The following OR1J2 variants were observed in gnomAD, a reference collection of about 807,000 sequenced individuals.
OR1J2 encodes olfactory receptor 1J2.
For synonymous variants in OR1J2, 142 were observed against 99.7 expected (o/e 1.42, Z -2.52); for missense variants, 304 against 246.1 (o/e 1.24, Z -1.57).
the OR1J2 span, among the ~76,000 whole-genome samples, chr9:122,451,860 A>G: frequency 7.2e-5 from 11 of 152,120 alleles, no homozygotes; most frequent in Non-Finnish European, 1.5e-5. Flanking sequence ...GGGCATAATT[A>G]CACTTCACCC....
the OR1J2 span, among the ~76,000 whole-genome samples, chr9:122,476,101 C>T: frequency 4.4e-3 from 666 of 152,018 alleles, 5 homozygotes; most frequent in African/African-American, 0.016. Flanking sequence ...TAGATCAGTC[C>T]CTGAGAGAAC....
chr9:122,497,965 A>G, the OR1J2 span, among the ~76,000 whole-genome samples: 1 of 151,662 alleles, frequency 6.6e-6, no homozygotes, highest in East Asian at 1.9e-4. Context: ...AAGTAATTTA[A>G]CTCTCATGTA....
the OR1J2 span, chr9:122,527,124 A>G: frequency 1.2e-6 from 2 of 1,614,084 alleles, no homozygotes; most frequent in East Asian, 2.2e-5. Context: ...GAAAAAGTAC[A>G]TGGGGGTGTG....
the OR1J2 span, among the ~76,000 whole-genome samples, chr9:122,574,446 G>A: frequency 6.6e-6 from 1 of 151,874 alleles, no homozygotes. Context: ...TATTTTGGGG[G>A]GTGCTAATGT....
the OR1J2 span, among the ~76,000 whole-genome samples, chr9:122,555,844 A>T: frequency 6.6e-6 from 1 of 152,206 alleles, no homozygotes; most frequent in African/African-American, 2.4e-5. Context: ...AGAGTGGTAC[A>T]TTTATTACAA....
chr9:122,575,055 G>C, the OR1J2 span, among the ~76,000 whole-genome samples: 4 of 151,976 alleles, frequency 2.6e-5, no homozygotes, highest in Non-Finnish European at 5.9e-5. Context: ...ATTAAACTTG[G>C]TTGTGATGTA....
the OR1J2 span, among the ~76,000 whole-genome samples, chr9:122,458,065 C>T: frequency 6.6e-6 from 1 of 151,974 alleles, no homozygotes. Flanking sequence ...GGGACATTTT[C>T]CCCTTTGTCT....
At chr9:122,512,120 A>G (rs962060944), downstream of OR1J2, among the ~76,000 whole-genome samples, 1 of 148,938 alleles carries the variant, frequency 6.7e-6, no homozygotes, top group Non-Finnish European at 1.5e-5. Flanking sequence ...TTATTTTACT[A>G]TTCTCTCTAA....
chr9:122,461,101 TA>T, the OR1J2 span, among the ~76,000 whole-genome samples: 1 of 152,170 alleles, frequency 6.6e-6, no homozygotes, highest in Admixed American at 6.5e-5. Context: ...GGATGCCCTT[TA>T]TTTCTTTCTC....
chr9:122,579,153 C>G, the OR1J2 span, among the ~76,000 whole-genome samples: 1 of 151,718 alleles, frequency 6.6e-6, no homozygotes, highest in Non-Finnish European at 1.5e-5. Context: ...ATGAATGGGG[C>G]TTGGTTAAAT....
At chr9:122,552,910 A>G in the OR1J2 span, among the ~76,000 whole-genome samples, 1 of 149,228 alleles carries the variant, frequency 6.7e-6, no homozygotes, top group Non-Finnish European at 1.5e-5. Context: ...CTTCCTCTAA[A>G]TAGCCCATGC....
chr9:122,514,406 C>T (rs1828673501), downstream of OR1J2, among the ~76,000 whole-genome samples: 1 of 152,158 alleles, frequency 6.6e-6, no homozygotes, highest in Admixed American at 6.5e-5. Context: ...TGTTAATTTG[C>T]TTAGGATGAT....
At chr9:122,549,542 G>A in the OR1J2 span, among the ~76,000 whole-genome samples, 5 of 152,172 alleles carry the variant, frequency 3.3e-5, no homozygotes, top group Admixed American at 2.0e-4. Flanking sequence ...TTTTGTATAT[G>A]GTGAGAAATA....
At chr9:122,542,035 A>T in the OR1J2 span, among the ~76,000 whole-genome samples, 44 of 152,174 alleles carry the variant, frequency 2.9e-4, 1 homozygote, top group Non-Finnish European at 8.8e-5. Flanking sequence ...TCATATCACT[A>T]TAAGATTAGT....
the OR1J2 span, among the ~76,000 whole-genome samples, chr9:122,481,073 C>T: frequency 2.0e-5 from 3 of 152,170 alleles, no homozygotes; most frequent in Admixed American, 6.5e-5. Context: ...GGATTACAGG[C>T]GTGAGCCACT....
the OR1J2 span, among the ~76,000 whole-genome samples, chr9:122,503,487 C>T: frequency 6.6e-6 from 1 of 152,208 alleles, no homozygotes; most frequent in African/African-American, 2.4e-5. Context: ...GCCACAGGAA[C>T]TTTACTGATG....
At chr9:122,544,695 T>C in the OR1J2 span, among the ~76,000 whole-genome samples, 1 of 152,136 alleles carries the variant, frequency 6.6e-6, no homozygotes, top group Non-Finnish European at 1.5e-5. Flanking sequence ...AAATATCCTC[T>C]TCTTATCCTT....
the OR1J2 span, chr9:122,526,725 G>A: frequency 2.5e-6 from 4 of 1,613,970 alleles, no homozygotes; most frequent in Admixed American, 1.7e-5. Context: ...GTTGATGTGG[G>A]TGTCAGAACA....
the OR1J2 span, among the ~76,000 whole-genome samples, chr9:122,521,663 T>C: frequency 1.3e-5 from 2 of 152,180 alleles, no homozygotes; most frequent in African/African-American, 2.4e-5. Flanking sequence ...TGTTGGTTTA[T>C]TGTTGGTCTA....
Sources: gnomAD v4.1 joint callset for allele counts (sites outside exome capture counted in the v4.1 genomes callset) on GRCh38, gnomAD v4.1.1 for gene constraint, MANE v1.5 for transcripts, NCBI Gene and HGNC (gene_info 2026-07-23, HGNC 2026-07-21) for gene names.